Variants in KDM4C observed in about 807,000 individuals in gnomAD.
The protein encoded by KDM4C is lysine-specific demethylase 4C.
KDM4C carries 81 observed loss-of-function variants against 129.3 expected under a neutral mutation model. The observed-to-expected ratio is 0.63, with a 90% confidence interval of 0.52 to 0.75. The LOEUF (loss-of-function observed/expected upper bound fraction) is 0.75. Among genes scored for constraint, KDM4C ranks in the 30% least tolerant of loss-of-function variants. The pLI is 0.00. For missense variants in KDM4C, 1,457 were observed against 1,304.0 expected (o/e 1.12, Z -1.81); for synonymous variants, 573 against 456.1 (o/e 1.26, Z -3.26).
chr9:7,040,850 T>G (rs921072458), intron 15 of KDM4C, among the ~76,000 whole-genome samples: 2 of 151,928 alleles, frequency 1.3e-5, no homozygotes, highest in Non-Finnish European at 2.9e-5. Flanking sequence ...GATTGCTATG[T>G]AGCCAGGTAT....
At chr9:6,806,749 G>C (rs116278385) in intron 3 of KDM4C, among the ~76,000 whole-genome samples, 3 of 152,060 alleles carry the variant, frequency 2.0e-5, no homozygotes, top group Non-Finnish European at 4.4e-5. Context: ...CATATGGACT[G>C]CTCTTCATGT....
chr9:6,758,182 C>G lies in KDM4C; in HGVS notation c.-39C>G, dbSNP rs917257429. The G allele has an allele frequency of 7.1e-6, 7 of 985,970 alleles. No individual in the cohort carries two copies. In the South Asian group the frequency reaches 1.9e-4, roughly 26 times the overall value. The allele number at this position is 985,970 out of a possible 1,614,324, so 61.1% of individuals were successfully genotyped here. A position where few individuals can be genotyped will look rare whatever the true frequency, so the allele number is the denominator to read the frequency against. On this transcript the variant is annotated 5_prime_UTR_variant, in exon 1 of 22. Coordinates refer to ENST00000381309, the MANE Select transcript of KDM4C (RefSeq NM_015061.6). The surrounding 1 kb of genome is among the most constrained non-coding windows in gnomAD (Gnocchi z 4.6). ...TCTTCCTCCTCCACCGAGTCGTGCT[C>G]TCGCCCCAACCCGCGCGCCAGGTAA...
chr9:6,898,255 C>T (rs1219516432), intron 8 of KDM4C, among the ~76,000 whole-genome samples: 1 of 152,134 alleles, frequency 6.6e-6, no homozygotes, highest in African/African-American at 2.4e-5. Context: ...GCCTCAAGCA[C>T]TATGATTGTC....
Position 6,981,008 on chromosome 9 carries a change from A to G in KDM4C, c.1005A>G (p.Lys335=). The change falls in exon 9 of 22, where the codon AAA becomes AAG. Residue 335 remains lysine (K), a synonymous_variant. Coordinates refer to ENST00000381309, the MANE Select transcript of KDM4C (RefSeq NM_015061.6). ...KFQPDRYQLW[K]QGKDIYTIDH... is the part of the protein sequence containing the mutation. The stretch of plus-strand genomic sequence containing the variant: ...AGCCAGACAGATATCAGCTTTGGAA[A>G]CAAGGAAAGGATATATACACCATTG... The G allele has an allele frequency of 6.2e-7, 1 of 1,613,966 alleles. No homozygotes were observed. Among genetic ancestry groups the G allele is most frequent in the Admixed American group, 1.7e-5 (1 of 60,004 alleles).
chr9:7,077,264 T>C, intron 17 of KDM4C: 1 of 980,206 alleles, frequency 1.0e-6, no homozygotes, highest in Non-Finnish European at 1.2e-6. Flanking sequence ...TTTGCATGGA[T>C]CTTGGATTAG....
At chr9:7,109,252 C>G (rs1838042594) in intron 18 of KDM4C, among the ~76,000 whole-genome samples, 1 of 152,170 alleles carries the variant, frequency 6.6e-6, no homozygotes, top group Non-Finnish European at 1.5e-5. Flanking sequence ...AACTGATTAT[C>G]CATGCTTCTC....
intron 4 of KDM4C, among the ~76,000 whole-genome samples, chr9:6,839,361 C>T (rs1236002486): frequency 6.7e-6 from 1 of 150,354 alleles, no homozygotes; most frequent in South Asian, 2.1e-4. Flanking sequence ...TTCCTAGTAG[C>T]TGGGACTACA....
In KDM4C at chr9:6,733,311, G is replaced by A. The variant is rs116115317; in HGVS notation, c.49+12314G>A. Among the ~76,000 whole-genome samples, 1,448 of 152,336 alleles carry A rather than the reference G, an allele frequency of 9.5e-3. 22 individuals carry two copies. Among genetic ancestry groups the A allele is most frequent in the African/African-American group, 0.033 (1,378 of 41,584 alleles). On this transcript the variant is annotated intron_variant, in intron 1 of 17. Transcript: ENST00000536108. The stretch of plus-strand genomic sequence containing the variant: ...GCTGGGTCACAATTGCCTACAGAAA[G>A]GGGCTTATTTCTGATGGGACCATCT...
intron 8 of KDM4C, among the ~76,000 whole-genome samples, chr9:6,940,674 T>C (rs1218032634): frequency 6.6e-6 from 1 of 152,246 alleles, no homozygotes; most frequent in African/African-American, 2.4e-5. Context: ...TTGTCATTTT[T>C]GTTACATTTC....
At chr9:7,012,265 G>T (rs1305567423) in intron 13 of KDM4C, among the ~76,000 whole-genome samples, 2 of 151,994 alleles carry the variant, frequency 1.3e-5, no homozygotes, top group Admixed American at 1.3e-4. Flanking sequence ...TTTTTGTAGC[G>T]ACTGGGTCTT....
intron 17 of KDM4C, among the ~76,000 whole-genome samples, chr9:7,099,125 C>T (rs147039719): frequency 1.3e-3 from 205 of 152,238 alleles, no homozygotes; most frequent in African/African-American, 4.8e-3. Flanking sequence ...TTATCATTAG[C>T]CTGTGACTTA....
chr9:6,984,818 C>CAAT (rs1391505340), intron 10 of KDM4C, among the ~76,000 whole-genome samples: 1 of 151,902 alleles, frequency 6.6e-6, no homozygotes, highest in Non-Finnish European at 1.5e-5. Context: ...GTTTTAAGAA[C>CAAT]AACAATAATG....
chr9:6,998,065 T>G (rs551979810), intron 12 of KDM4C, among the ~76,000 whole-genome samples: 1 of 152,326 alleles, frequency 6.6e-6, no homozygotes, highest in South Asian at 2.1e-4. Flanking sequence ...ATCTGAATTT[T>G]CCAAATAACT....
chr9:6,782,579 A>C (rs1049478822), intron 1 of KDM4C, among the ~76,000 whole-genome samples: 1 of 152,160 alleles, frequency 6.6e-6, no homozygotes, highest in Non-Finnish European at 1.5e-5. Flanking sequence ...ACATATGTCT[A>C]TATATAGCAC....
chr9:6,997,167 G>A (rs1450122919), intron 12 of KDM4C, among the ~76,000 whole-genome samples: 1 of 152,046 alleles, frequency 6.6e-6, no homozygotes, highest in African/African-American at 2.4e-5. Flanking sequence ...CATAATGACT[G>A]TTTGTTGTTG....
chr9:7,113,944 C>T (rs911658376), intron 18 of KDM4C, among the ~76,000 whole-genome samples: 2 of 152,072 alleles, frequency 1.3e-5, no homozygotes, highest in Admixed American at 1.3e-4. Flanking sequence ...TACTGCTTGC[C>T]ACTTAGAACC....
chr9:6,952,274 C>A (rs1318632840), intron 8 of KDM4C, among the ~76,000 whole-genome samples: 2 of 151,740 alleles, frequency 1.3e-5, no homozygotes, highest in Non-Finnish European at 2.9e-5. Flanking sequence ...TGATGGTACG[C>A]CTATGTCCAA....
intron 17 of KDM4C, among the ~76,000 whole-genome samples, chr9:7,082,026 GC>G (rs1834580762): frequency 6.6e-6 from 1 of 152,254 alleles, no homozygotes; most frequent in East Asian, 1.9e-4. Context: ...CCTGGCCTTT[GC>G]CCCTGTGAAA....
intron 8 of KDM4C, among the ~76,000 whole-genome samples, chr9:6,903,036 G>A (rs1247701516): frequency 1.3e-5 from 2 of 152,086 alleles, no homozygotes; most frequent in Admixed American, 1.3e-4. Flanking sequence ...AGAGATTACT[G>A]CTAAGCTTTG....
Sources: gnomAD v4.1 joint callset for allele counts (sites outside exome capture counted in the v4.1 genomes callset) on GRCh38, gnomAD v4.1.1 for gene constraint, Gnocchi (gnomAD v3.1) non-coding constraint, MANE v1.5 for transcripts, NCBI Gene and HGNC (gene_info 2026-07-23, HGNC 2026-07-21) for gene names.